The following SLC9A7 variants were observed in gnomAD, a reference collection of about 807,000 sequenced individuals.
SLC9A7 encodes the protein sodium/hydrogen exchanger 7.
Under a neutral mutation model 52.6 loss-of-function variants are expected in SLC9A7, and 19 were observed. The observed-to-expected ratio is 0.36, with a 90% CI of 0.25 to 0.53. SLC9A7 has a LOEUF of 0.53. SLC9A7 is among the 20% of genes least tolerant of loss of function. The pLI is 0.91. For synonymous variants in SLC9A7, 226 were observed against 252.1 expected, an observed-to-expected ratio of 0.90 and a Z score of 0.98; for missense variants, 455 against 597.9, an observed-to-expected ratio of 0.76 and a Z score of 2.49.
At chrX:46,733,065 GACAA>G (rs1203597299) in intron 1 of SLC9A7, among the ~76,000 whole-genome samples, 2 of 112,163 alleles carry the variant, frequency 1.8e-5, no homozygotes, top group African/African-American at 6.5e-5. Flanking sequence ...ACACTGAAAT[GACAA>G]ACAACTAAGA....
At chrX:46,615,882 A>G (rs1336380280) in intron 15 of SLC9A7, among the ~76,000 whole-genome samples, 1 of 108,912 alleles carries the variant, frequency 9.2e-6, no homozygotes. Context: ...ACTCATTTAC[A>G]CTCCTGTCTC....
chrX:46,706,195 C>T (rs1325848248), intron 1 of SLC9A7, among the ~76,000 whole-genome samples: 2 of 102,524 alleles, frequency 2.0e-5, no homozygotes, highest in Non-Finnish European at 4.0e-5. Flanking sequence ...GAAATATTTA[C>T]AAATATCAGG....
Position 46,601,380 on chromosome X carries a change from G to A in SLC9A7, c.*5572C>T, listed in dbSNP as rs1255184223. 1.8e-5 allele frequency: 2 copies of A among 112,584 alleles called. No individual in the cohort carries two copies. The highest frequency in any genetic ancestry group is 3.8e-5 in the Non-Finnish European group (2 of 53,296). The allele number at this position is 112,584 out of a possible 1,213,427, so 9.3% of individuals were successfully genotyped here. On this transcript the variant is annotated 3_prime_UTR_variant, in exon 17 of 17. Coordinates refer to ENST00000616978, the MANE Select transcript of SLC9A7 (RefSeq NM_001257291.2). ...TTAACTTCTACTGCAGACAAGGACAGGGAGAGATAGGATGATGGGATGACG... is the reference window on the plus strand; with the variant it reads ...TTAACTTCTACTGCAGACAAGGACAAGGAGAGATAGGATGATGGGATGACG...
intron 1 of SLC9A7, among the ~76,000 whole-genome samples, chrX:46,691,047 A>G (rs1944373644): frequency 8.9e-6 from 1 of 112,028 alleles, no homozygotes; most frequent in Non-Finnish European, 1.9e-5. Flanking sequence ...TAAATGCCAT[A>G]GACACCTACT....
In SLC9A7 at chrX:46,669,882, A is replaced by G. The variant is rs1044596073; in HGVS notation, c.681-163T>C. On this transcript the variant is annotated intron_variant, in intron 4 of 16. Coordinates refer to ENST00000616978, the MANE Select transcript of SLC9A7 (RefSeq NM_001257291.2). ...GAGACATTGCCAGCAGGACTTTGGC[A>G]TCAAGTAATAGTTTGCAGTTAATGT... Among the ~76,000 whole-genome samples, 4 of 112,525 alleles carry G rather than the reference A, an allele frequency of 3.6e-5. No homozygotes were observed. In the Admixed American group the frequency reaches 3.8e-4, roughly 11 times the overall value.
intron 1 of SLC9A7, among the ~76,000 whole-genome samples, chrX:46,730,672 ATAT>A (rs1339958392): frequency 1.8e-4 from 3 of 16,393 alleles, no homozygotes; most frequent in African/African-American, 1.2e-3. Flanking sequence ...AAAAAAAATT[ATAT>A]ATATATATAT....
At chrX:46,678,214 G>C (rs956601738) in intron 3 of SLC9A7, among the ~76,000 whole-genome samples, 1 of 110,251 alleles carries the variant, frequency 9.1e-6, no homozygotes, top group Non-Finnish European at 1.9e-5. Flanking sequence ...GGATGTTGTT[G>C]AGTTTTATTG....
chrX:46,653,105 C>T (rs746661556), intron 8 of SLC9A7, among the ~76,000 whole-genome samples: 1 of 112,211 alleles, frequency 8.9e-6, no homozygotes, highest in South Asian at 3.7e-4. Flanking sequence ...TTAAAATCTA[C>T]TTTTTCAGGC....
At chrX:46,626,557 G>GT (rs1327840087) in intron 14 of SLC9A7, among the ~76,000 whole-genome samples, 2 of 112,886 alleles carry the variant, frequency 1.8e-5, no homozygotes, top group Non-Finnish European at 3.7e-5. Context: ...TTACAGGTGT[G>GT]AGCCACCACG....
At chrX:46,718,704 C>G (rs1944810918) in intron 1 of SLC9A7, among the ~76,000 whole-genome samples, 1 of 112,295 alleles carries the variant, frequency 8.9e-6, no homozygotes, top group Admixed American at 9.4e-5. Flanking sequence ...AAATGCTCAT[C>G]ATCACTGGCC....
intron 14 of SLC9A7, among the ~76,000 whole-genome samples, chrX:46,622,152 G>A (rs1045929056): frequency 5.4e-5 from 6 of 111,699 alleles, no homozygotes; most frequent in East Asian, 5.6e-4. Context: ...GAATCCCCTC[G>A]GTATTTCAGG....
chrX:46,733,037 TTTTA>T (rs1243527246), intron 1 of SLC9A7, among the ~76,000 whole-genome samples: 1 of 112,379 alleles, frequency 8.9e-6, no homozygotes, highest in Non-Finnish European at 1.9e-5. Context: ...TTGTATTTGC[TTTTA>T]TTTATGTAAA....
chrX:46,739,094 CA>C (rs1212105065), intron 1 of SLC9A7, among the ~76,000 whole-genome samples: 2 of 111,937 alleles, frequency 1.8e-5, no homozygotes, highest in Non-Finnish European at 3.8e-5. Context: ...GATAAGCTTA[CA>C]AAATAGCTGA....
At chrX:46,695,976 C>CTTATTTATTTAT (rs61703323) in intron 1 of SLC9A7, among the ~76,000 whole-genome samples, 33 of 104,549 alleles carry the variant, frequency 3.2e-4, no homozygotes, top group East Asian at 2.1e-3. Flanking sequence ...TATATTTTTA[C>CTTATTTATTTAT]TTATTTATTT....
intron 5 of SLC9A7, among the ~76,000 whole-genome samples, chrX:46,664,948 C>T (rs779299762): frequency 9.1e-6 from 1 of 110,393 alleles, no homozygotes; most frequent in Non-Finnish European, 1.9e-5. Context: ...ACAATAAACA[C>T]GTACATAGCA....
intron 1 of SLC9A7, among the ~76,000 whole-genome samples, chrX:46,708,899 C>T (rs186157214): frequency 1.8e-5 from 2 of 111,753 alleles, no homozygotes; most frequent in African/African-American, 6.5e-5. Context: ...ATGCTAGGCT[C>T]TGGGAACATA....
In SLC9A7 at chrX:46,607,282, C is replaced by T. The variant is rs892350663; in HGVS notation, c.1930-79G>A. 33 of 1,049,996 alleles carry T rather than the reference C, an allele frequency of 3.1e-5. No individual in the cohort carries two copies. The Admixed American group carries it at 4.1e-4, about 13-fold the overall frequency. The allele number at this position is 1,049,996 out of a possible 1,213,427, so 86.5% of individuals were successfully genotyped here. A position where few individuals can be genotyped will look rare whatever the true frequency, so the allele number is the denominator to read the frequency against. ...GTTTGGCACCAACCCCAATCCCAAT[C>T]CCAACTCCTCATCTGAAAACTGGGG... On this transcript the variant is annotated intron_variant, in intron 16 of 16. Coordinates refer to ENST00000616978, the MANE Select transcript of SLC9A7 (RefSeq NM_001257291.2).
chrX:46,675,061 ATGTGTGTGTGTGTGTGTGTGTGTG>A (rs397895552), intron 3 of SLC9A7, among the ~76,000 whole-genome samples: 968 of 68,852 alleles, frequency 0.014, 20 homozygotes, highest in African/African-American at 0.044. Context: ...GAGAGAGTGA[ATGTGTGTGTGTGTGTGTGTGTGTG>A]TGTGTGTGTG....
At chrX:46,639,717 GA>G (rs1166239255) in intron 12 of SLC9A7, among the ~76,000 whole-genome samples, 66 of 86,948 alleles carry the variant, frequency 7.6e-4, no homozygotes, top group East Asian at 2.5e-3. Flanking sequence ...GAAAAGGAAG[GA>G]AAAAAAAAAA....
Sources: allele counts gnomAD v4.1 joint callset (sites outside exome capture counted in the v4.1 genomes callset), GRCh38; gene constraint gnomAD v4.1.1; transcripts MANE v1.5; gene names NCBI Gene and HGNC (gene_info 2026-07-23, HGNC 2026-07-21).